Variants in ABCC6 observed in about 807,000 individuals in gnomAD.
ABCC6 encodes the protein ATP-binding cassette sub-family C member 6.
Under a neutral mutation model 169.5 loss-of-function variants are expected in ABCC6, and 126 were observed. That is an observed-to-expected ratio of 0.74 (90% CI 0.64 to 0.86). The LOEUF is 0.86. Ranked by LOEUF, ABCC6 falls within the 40% of genes least tolerant of loss-of-function variation. The pLI, the probability that ABCC6 is intolerant of heterozygous loss-of-function variation, is 0.00. For missense variants in ABCC6, 1,733 were observed against 1,927.2 expected, an observed-to-expected ratio of 0.90 and a Z score of 1.89; for synonymous variants, 752 against 814.7, an observed-to-expected ratio of 0.92 and a Z score of 1.31.
At chr16:16,221,202 C>T in intron 2 of ABCC6, 1 of 870,528 alleles carries the variant, frequency 1.1e-6, no homozygotes, top group Non-Finnish European at 1.4e-6. Context: ...CTTGGAATGC[C>T]AGTGTTTATT....
rs11295432 is a variant in ABCC6, at chr16:16,175,776, TG to T, written c.2666+134del. On this transcript the variant is annotated intron_variant, in intron 20 of 30. Coordinates refer to ENST00000205557, the MANE Select transcript of ABCC6 (RefSeq NM_001171.6). ...TAAATTATCCCTCAGCAGGGCACCA[TG>T]GGGGGGACTTCAGCAGGTTCTCTAT... The T allele has an allele frequency of 0.98, 991,767 of 1,012,638 alleles. 487,402 individuals are homozygous for T. The highest frequency in any genetic ancestry group is 1 in the Non-Finnish European group (665,924 of 667,224). The allele number at this position is 1,012,638 out of a possible 1,614,324, so 62.7% of individuals were successfully genotyped here. A position where few individuals can be genotyped will look rare whatever the true frequency, so the allele number is the denominator to read the frequency against.
At chr16:16,199,000 G>A (rs76289711) in intron 9 of ABCC6, among the ~76,000 whole-genome samples, 16,142 of 106,688 alleles carry the variant, frequency 0.15, 1,903 homozygotes, top group East Asian at 0.22. Flanking sequence ...TTTCGGGGGG[G>A]AAAAAAGAAA....
At chr16:16,178,159 C>G (rs1258647705) in intron 18 of ABCC6, among the ~76,000 whole-genome samples, 2 of 151,898 alleles carry the variant, frequency 1.3e-5, no homozygotes, top group Admixed American at 1.3e-4. Flanking sequence ...AACCCTTTCT[C>G]TACTAAAAAT....
rs546064934 is a variant in ABCC6 at position 16,157,759 on chromosome 16, G to T, written c.3786C>A (p.Gly1262=). The stretch of plus-strand genomic sequence containing the variant: ...CAAAGTCCCGGAACTCGATCTGCCC[G>T]CCCTGAGGCCAGGGGGGCTGAGCTG... ...TCAAQPPWPQ[G]GQIEFRDFGL... Residue 1262 remains glycine, a synonymous_variant, in exon 27 of 31, where the codon GGC becomes GGA. Coordinates refer to ENST00000205557, the MANE Select transcript of ABCC6 (RefSeq NM_001171.6). 6.2e-7 allele frequency: 1 copy of T among 1,613,724 alleles called. No homozygotes were observed. The highest frequency in any genetic ancestry group is 8.5e-7 in the Non-Finnish European group (1 of 1,179,978).
At chr16:16,171,278 A>T (rs1250525113) in intron 21 of ABCC6, among the ~76,000 whole-genome samples, 1 of 151,906 alleles carries the variant, frequency 6.6e-6, no homozygotes, top group Non-Finnish European at 1.5e-5. Flanking sequence ...GATTGCAGTG[A>T]CATGATCATA....
chr16:16,160,472 A>C (rs2046678640), intron 25 of ABCC6, among the ~76,000 whole-genome samples: 1 of 151,974 alleles, frequency 6.6e-6, no homozygotes, highest in South Asian at 2.1e-4. Flanking sequence ...ACTGCACTCC[A>C]GTCTGGGCAA....
chr16:16,196,385 A>G (rs4781735), intron 10 of ABCC6, among the ~76,000 whole-genome samples: 30,386 of 152,124 alleles, frequency 0.2, 3,249 homozygotes, highest in Middle Eastern at 0.25. Flanking sequence ...TGCAGGAGAG[A>G]TGGTGTGGCC....
intron 27 of ABCC6, chr16:16,155,234 C>G (rs2046513233): frequency 1.6e-6 from 1 of 644,148 alleles, no homozygotes; most frequent in Non-Finnish European, 2.7e-6. Context: ...TCTTCTCTAT[C>G]TTTCCCTTAT....
intron 20 of ABCC6, 148 bp from the exon 21 acceptor site, chr16:16,173,552 C>A: frequency 2.0e-6 from 2 of 1,013,016 alleles, no homozygotes; most frequent in Non-Finnish European, 3.0e-6. Flanking sequence ...GAATACTGAC[C>A]AGATATCACA....
intron 20 of ABCC6, among the ~76,000 whole-genome samples, chr16:16,175,147 C>G (rs905302258): frequency 1.3e-5 from 2 of 152,016 alleles, no homozygotes; most frequent in African/African-American, 4.8e-5. Flanking sequence ...GATTCTTGTG[C>G]GCTGTGAAGG....
At chr16:16,173,621 A>G (rs1475111206) in intron 20 of ABCC6, among the ~76,000 whole-genome samples, 2 of 152,088 alleles carry the variant, frequency 1.3e-5, no homozygotes, top group Admixed American at 6.5e-5. Flanking sequence ...AGGGTCAAGC[A>G]AGCCCATTCT....
intron 5 of ABCC6, among the ~76,000 whole-genome samples, chr16:16,213,617 A>T (rs1441553532): frequency 6.7e-6 from 1 of 148,510 alleles, no homozygotes; most frequent in Non-Finnish European, 1.5e-5. Flanking sequence ...CTGGAGTGCA[A>T]ATGCACAGTC....
chr16:16,154,816 T>A (rs779667151), intron 28 of ABCC6, 22 bp from the exon 29 acceptor site: 11 of 1,606,522 alleles, frequency 6.8e-6, no homozygotes. Flanking sequence ...GGGCGGTGGG[T>A]CAGAGCCGGG....
chr16:16,202,380 GCTC>G (rs921545627), intron 8 of ABCC6, among the ~76,000 whole-genome samples: 1 of 151,898 alleles, frequency 6.6e-6, no homozygotes, highest in African/African-American at 2.4e-5. Flanking sequence ...TCTGACTGCA[GCTC>G]CTCAAGATCA....
At chr16:16,212,817 A>G (rs886582470) in intron 5 of ABCC6, among the ~76,000 whole-genome samples, 4 of 152,048 alleles carry the variant, frequency 2.6e-5, no homozygotes, top group African/African-American at 9.7e-5. Context: ...TTGCTTCTCA[A>G]AAGGAAGGAC....
intron 20 of ABCC6, 26 bp from the exon 21 acceptor site, chr16:16,173,430 AAGTC>A: frequency 6.2e-7 from 1 of 1,613,996 alleles, no homozygotes; most frequent in Non-Finnish European, 8.5e-7. Flanking sequence ...AATGAAGACA[AAGTC>A]AGTATCTCTC....
Position 16,165,671 on chromosome 16 carries a change from C to T in ABCC6, c.3258G>A (p.Leu1086=). 1 of 1,612,516 alleles carries T rather than the reference C, an allele frequency of 6.2e-7. No individual in the cohort carries two copies. Among genetic ancestry groups the T allele is most frequent in the Non-Finnish European group, 8.5e-7 (1 of 1,179,976 alleles). ...ACAGTGGCAGGATGGCCACAGTGGCCAGTGGGGTAGCCACTGCCACCACCA... is the reference window on the plus strand; with the variant it reads ...ACAGTGGCAGGATGGCCACAGTGGCTAGTGGGGTAGCCACTGCCACCACCA... ...VSLVVAVATP[L]ATVAILPLFL... Residue 1086 remains leucine, a synonymous_variant, in exon 23 of 31, where the codon CTG becomes CTA. Transcript: ENST00000205557.
At chr16:16,163,297 G>T in intron 23 of ABCC6, 105 bp from the exon 24 acceptor site, 1 of 1,082,156 alleles carries the variant, frequency 9.2e-7, no homozygotes, top group Non-Finnish European at 1.4e-6. Context: ...ACCAGGATCT[G>T]TTAACAGCTT....
chr16:16,207,774 C>T (rs906133559), intron 7 of ABCC6, among the ~76,000 whole-genome samples: 3 of 151,712 alleles, frequency 2.0e-5, no homozygotes, highest in Admixed American at 6.6e-5. Flanking sequence ...TATGCAGGCT[C>T]ATTTATCTAG....
Sources: gnomAD v4.1 joint callset for allele counts (sites outside exome capture counted in the v4.1 genomes callset) on GRCh38, gnomAD v4.1.1 for gene constraint, MANE v1.5 for transcripts, NCBI Gene and HGNC (gene_info 2026-07-23, HGNC 2026-07-21) for gene names.